The following STYX variants were observed in gnomAD, a reference collection of about 807,000 sequenced individuals.
STYX encodes serine/threonine/tyrosine interacting protein.
A neutral mutation model predicts 42.7 loss-of-function variants in STYX; 20 were observed. The ratio of observed to expected loss-of-function variants is 0.47; its 90% CI spans 0.33 to 0.68. STYX has a LOEUF of 0.68. STYX is among the 30% of genes least tolerant of loss of function. The probability of loss-of-function intolerance (pLI) is 0.02; values close to 1 mark genes in which losing one functional copy is unlikely to be tolerated. For synonymous variants in STYX, 78 were observed against 81.9 expected, an observed-to-expected ratio of 0.95 and a Z score of 0.26; for missense variants, 226 against 268.5, an observed-to-expected ratio of 0.84 and a Z score of 1.11.
intron 1 of STYX, among the ~76,000 whole-genome samples, chr14:52,742,474 G>A (rs1430862035): frequency 6.6e-6 from 1 of 152,104 alleles, no homozygotes; most frequent in Non-Finnish European, 1.5e-5. Context: ...ACTTTTGGCA[G>A]TATCTAGTAA....
In STYX at chr14:52,771,913, A is replaced by G. The variant is rs1263819073; in HGVS notation, c.*807A>G. 6.6e-6 allele frequency: 1 copy of G among 152,582 alleles called. No homozygotes were observed. Among genetic ancestry groups the G allele is most frequent in the Non-Finnish European group, 1.5e-5 (1 of 67,974 alleles). 9.5% of individuals were successfully genotyped at this position (152,582 alleles called of 1,614,324 possible). A position where few individuals can be genotyped will look rare whatever the true frequency, so the allele number is the denominator to read the frequency against. On this transcript the variant is annotated 3_prime_UTR_variant, in exon 11 of 11. Transcript: ENST00000354586. ...TTTCCTTTTTGCATTTTTTGGCAGT[A>G]AAAGCCAAACGTTGTATTTGTTCTT...
chr14:52,736,430 G>T (rs1248984322), intron 1 of STYX, among the ~76,000 whole-genome samples: 3 of 152,202 alleles, frequency 2.0e-5, no homozygotes, highest in Non-Finnish European at 2.9e-5. Context: ...AGGAGTAGCT[G>T]ATAGTACCAA....
chr14:52,737,382 A>G (rs1295072880), intron 1 of STYX, among the ~76,000 whole-genome samples: 1 of 152,200 alleles, frequency 6.6e-6, no homozygotes, highest in Non-Finnish European at 1.5e-5. Flanking sequence ...AACATGTGGT[A>G]CTTTCTACCT....
At chr14:52,743,314 G>T (rs541942467) in intron 1 of STYX, among the ~76,000 whole-genome samples, 127 of 152,096 alleles carry the variant, frequency 8.3e-4, no homozygotes, top group African/African-American at 3.0e-3. Flanking sequence ...GGGGGCAGTA[G>T]CTCACTCCCG....
intron 1 of STYX, among the ~76,000 whole-genome samples, chr14:52,741,095 T>G (rs1881171215): frequency 6.6e-6 from 1 of 152,130 alleles, no homozygotes; most frequent in African/African-American, 2.4e-5. Context: ...CTTTTATCCC[T>G]GAGTACTACT....
At chr14:52,764,928 C>G (rs187946487) in intron 9 of STYX, among the ~76,000 whole-genome samples, 1 of 152,074 alleles carries the variant, frequency 6.6e-6, no homozygotes, top group Admixed American at 6.5e-5. Flanking sequence ...CTCAGCATCC[C>G]GAAGTGCTGG....
Position 52,774,493 on chromosome 14 carries a change from T to G in STYX, c.*3387T>G, listed in dbSNP as rs1299917229. 2 of 151,986 alleles carry G rather than the reference T, an allele frequency of 1.3e-5. No homozygotes were observed. The highest frequency in any genetic ancestry group is 2.9e-5 in the Non-Finnish European group (2 of 67,986). 9.4% of individuals were successfully genotyped at this position (151,986 alleles called of 1,614,324 possible). On this transcript the variant is annotated 3_prime_UTR_variant, in exon 11 of 11. Transcript: ENST00000354586. ...TCTTTCTTTCTTTGTTCAACAGTGC[T>G]CCGATAAGGGAATGCTAGAAAATAG...
chr14:52,749,283 ACCAT>A (rs966978051), intron 3 of STYX, among the ~76,000 whole-genome samples: 2 of 152,226 alleles, frequency 1.3e-5, no homozygotes, highest in African/African-American at 4.8e-5. Context: ...CAGAGACTCC[ACCAT>A]CACATCTTGG....
At chr14:52,756,941 C>T (rs1399823070) in intron 5 of STYX, among the ~76,000 whole-genome samples, 1 of 152,104 alleles carries the variant, frequency 6.6e-6, no homozygotes, top group Admixed American at 6.5e-5. Flanking sequence ...CCTGCCTCAG[C>T]CTCCCAAAGT....
intron 1 of STYX, among the ~76,000 whole-genome samples, chr14:52,737,474 A>G (rs1307848628): frequency 6.6e-6 from 1 of 152,196 alleles, no homozygotes; most frequent in African/African-American, 2.4e-5. Flanking sequence ...ATTTTGGTTT[A>G]TCTGGCTTGC....
In STYX at chr14:52,774,956, G is replaced by T. The variant is rs1882660828; in HGVS notation, c.*3850G>T. ...AATTATTTTGTGAAGATTGGTGGTT[G>T]TATTAAAACTGCTGTGCCATTATAC... On this transcript the variant is annotated 3_prime_UTR_variant, in exon 11 of 11. Coordinates refer to ENST00000354586, the MANE Select transcript of STYX (RefSeq NM_145251.4). The T allele has an allele frequency of 6.6e-6, 1 of 152,124 alleles. No homozygotes were observed. 9.4% of individuals were successfully genotyped at this position (152,124 alleles called of 1,614,324 possible).
In STYX at chr14:52,771,197, T is replaced by C; in HGVS notation, c.*91T>C. ...TAATGTAAAATGGTAAAAACATAAG[T>C]AGTTTTTTTTTCAATTACATGTTGC... On this transcript the variant is annotated 3_prime_UTR_variant, in exon 11 of 11. Transcript: ENST00000354586. 2 of 1,244,986 alleles carry C rather than the reference T, an allele frequency of 1.6e-6. No homozygotes were observed. Among genetic ancestry groups the C allele is most frequent in the East Asian group, 2.5e-5 (1 of 39,342 alleles). The allele number at this position is 1,244,986 out of a possible 1,614,324, so 77.1% of individuals were successfully genotyped here.
intron 1 of STYX, 87 bp downstream of exon 1, chr14:52,730,618 C>T: frequency 1.4e-6 from 2 of 1,477,422 alleles, no homozygotes; most frequent in South Asian, 2.4e-5. Context: ...GTCTTAGCCG[C>T]CACCTGTACG....
Position 52,730,350 on chromosome 14 carries a change from C to A in STYX, c.-125C>A. The A allele has an allele frequency of 1.1e-6, 1 of 933,030 alleles. No individual in the cohort carries two copies. Among genetic ancestry groups the A allele is most frequent in the Non-Finnish European group, 1.7e-6 (1 of 597,016 alleles). 57.8% of individuals were successfully genotyped at this position (933,030 alleles called of 1,614,324 possible). A position where few individuals can be genotyped will look rare whatever the true frequency, so the allele number is the denominator to read the frequency against. On this transcript the variant is annotated 5_prime_UTR_variant, in exon 1 of 11. Transcript: ENST00000354586. ...TAGTCTGCGTGTGTTAGTTGTAATC[C>A]CGCCGCCCTCCTGTCAGCCCTCCGC... is the stretch of plus-strand genomic sequence containing the variant.
intron 4 of STYX, among the ~76,000 whole-genome samples, chr14:52,753,526 G>A (rs1450789019): frequency 6.6e-6 from 1 of 152,074 alleles, no homozygotes; most frequent in East Asian, 1.9e-4. Context: ...ATCCATGGGG[G>A]ATTGCCTCCA....
intron 8 of STYX, among the ~76,000 whole-genome samples, chr14:52,758,777 T>C (rs985965160): frequency 1.3e-5 from 2 of 152,082 alleles, no homozygotes; most frequent in Admixed American, 6.5e-5. Flanking sequence ...GGTTTCACCA[T>C]GTTGGCCAGG....
chr14:52,744,793 C>G (rs1298435810), intron 1 of STYX, 59 bp from the exon 2 acceptor site: 2 of 1,529,288 alleles, frequency 1.3e-6, no homozygotes, highest in African/African-American at 1.4e-5. Flanking sequence ...CATCTTTAGC[C>G]TTTAATTGGG....
At chr14:52,764,720 G>A (rs1382029284) in intron 9 of STYX, among the ~76,000 whole-genome samples, 1 of 142,890 alleles carries the variant, frequency 7.0e-6, no homozygotes, top group Non-Finnish European at 1.5e-5. Flanking sequence ...CCAGGCTGGA[G>A]TACAGTGGTG....
rs532084425 is a variant in STYX at position 52,769,845 on chromosome 14, A to G, written c.598+912A>G. 1.1e-4 allele frequency among the ~76,000 whole-genome samples: 16 copies of G among 152,128 alleles called. 1 individual carries two copies. The South Asian group carries it at 3.1e-3, about 30-fold the overall frequency. ...GTGGCCAGACTTATTCCCATGAAAG[A>G]TATTTCTAATATTGATATTTTTCCT... is the stretch of plus-strand genomic sequence containing the variant. On this transcript the variant is annotated intron_variant, in intron 10 of 10. Coordinates refer to ENST00000354586, the MANE Select transcript of STYX (RefSeq NM_145251.4).
Sources: allele counts gnomAD v4.1 joint callset (sites outside exome capture counted in the v4.1 genomes callset), GRCh38; gene constraint gnomAD v4.1.1; transcripts MANE v1.5; gene names NCBI Gene and HGNC (gene_info 2026-07-23, HGNC 2026-07-21).